PTCHD1: variants seen among roughly 807,000 people sequenced by gnomAD.
PTCHD1 encodes the protein patched domain-containing protein 1.
Under a neutral mutation model 34.6 loss-of-function variants are expected in PTCHD1, and 3 were observed. The observed-to-expected ratio is 0.09, with a 90% CI of 0.04 to 0.22. PTCHD1 has a LOEUF of 0.22. Among genes scored for constraint, PTCHD1 ranks in the 10% least tolerant of loss-of-function variants. PTCHD1 has a pLI of 1.00. For synonymous variants in PTCHD1, 305 were observed against 283.1 expected, an observed-to-expected ratio of 1.08 and a Z score of -0.77; for missense variants, 504 against 685.5, an observed-to-expected ratio of 0.74 and a Z score of 2.96.
chrX:23,374,001 C>A (rs1203766574), intron 1 of PTCHD1, among the ~76,000 whole-genome samples: 1 of 110,381 alleles, frequency 9.1e-6, no homozygotes, highest in African/African-American at 3.3e-5. Context: ...TTAATGTATG[C>A]AGCTTATTTG....
intron 2 of PTCHD1, among the ~76,000 whole-genome samples, chrX:23,390,754 C>T (rs1287176797): frequency 8.9e-6 from 1 of 111,875 alleles, no homozygotes; most frequent in Non-Finnish European, 1.9e-5. Flanking sequence ...GAGGCCAGGA[C>T]TTCACAATAA....
At chrX:23,387,869 GAGAATGCTTT>G (rs1263111580) in intron 2 of PTCHD1, among the ~76,000 whole-genome samples, 1 of 112,220 alleles carries the variant, frequency 8.9e-6, no homozygotes, top group African/African-American at 3.2e-5. Context: ...TAAAGGACAA[GAGAATGCTTT>G]AGAAGCATTT....
chrX:23,341,346 C>T (rs1467629141), intron 1 of PTCHD1, among the ~76,000 whole-genome samples: 14 of 112,233 alleles, frequency 1.2e-4, no homozygotes. Flanking sequence ...CTTAAAAATA[C>T]GAGAAGGAGA....
intron 1 of PTCHD1, among the ~76,000 whole-genome samples, chrX:23,368,197 C>T (rs1407643625): frequency 4.5e-5 from 5 of 110,788 alleles, no homozygotes; most frequent in African/African-American, 9.9e-5. Context: ...ATTCAAACTA[C>T]CCTATGATTA....
intron 1 of PTCHD1, among the ~76,000 whole-genome samples, chrX:23,340,307 A>G (rs1271469928): frequency 8.9e-6 from 1 of 111,780 alleles, no homozygotes; most frequent in East Asian, 2.8e-4. Flanking sequence ...TTCCAGTGTA[A>G]TCGTCCCCAA....
intron 1 of PTCHD1, among the ~76,000 whole-genome samples, chrX:23,346,145 A>G (rs1921471296): frequency 1.8e-5 from 2 of 112,354 alleles, no homozygotes; most frequent in African/African-American, 6.5e-5. Context: ...AACTTCCTTT[A>G]AAGCAAATCA....
chrX:23,358,389 T>G (rs1921870855), intron 1 of PTCHD1, among the ~76,000 whole-genome samples: 1 of 112,451 alleles, frequency 8.9e-6, no homozygotes, highest in African/African-American at 3.2e-5. Flanking sequence ...TGGTTTTGAT[T>G]TGCATTTGTC....
chrX:23,366,921 TACACACACACACAC>T (rs61606231), intron 1 of PTCHD1, among the ~76,000 whole-genome samples: 2 of 99,351 alleles, frequency 2.0e-5, no homozygotes, highest in African/African-American at 3.7e-5. Context: ...ATGCTCCTGG[TACACACACACACAC>T]ACACACACAC....
At chrX:23,373,409 T>C (rs1057068637) in intron 1 of PTCHD1, among the ~76,000 whole-genome samples, 5 of 112,987 alleles carry the variant, frequency 4.4e-5, no homozygotes, top group African/African-American at 1.6e-4. Flanking sequence ...CAGGCACACA[T>C]GTGCAGAGGA....
At position 23,398,219 on chromosome X, in the gene PTCHD1, T is replaced by C. The variant is rs902476435; in HGVS notation, c.*4034T>C. On this transcript the variant is annotated 3_prime_UTR_variant, in exon 3 of 3. Coordinates refer to ENST00000379361, the MANE Select transcript of PTCHD1 (RefSeq NM_173495.3). Reference sequence around the variant, plus strand: ...GAAAAGAGACTCAAGACATTATTTGTAATTCAGCAATCTCGCACAGTAGCA... The same window carrying C: ...GAAAAGAGACTCAAGACATTATTTGCAATTCAGCAATCTCGCACAGTAGCA... 5.4e-5 allele frequency: 6 copies of C among 111,855 alleles called. No homozygotes were observed. Among genetic ancestry groups the C allele is most frequent in the African/African-American group, 1.9e-4 (6 of 30,783 alleles). The allele number at this position is 111,855 out of a possible 1,213,427, so 9.2% of individuals were successfully genotyped here. A position where few individuals can be genotyped will look rare whatever the true frequency, so the allele number is the denominator to read the frequency against.
chrX:23,373,263 G>T (rs1202750273), intron 1 of PTCHD1, among the ~76,000 whole-genome samples: 1 of 112,448 alleles, frequency 8.9e-6, no homozygotes, highest in Non-Finnish European at 1.9e-5. Flanking sequence ...GTCAGTACCC[G>T]CAATAAGAGT....
intron 1 of PTCHD1, among the ~76,000 whole-genome samples, chrX:23,372,027 G>A (rs1487416044): frequency 1.8e-5 from 2 of 111,092 alleles, no homozygotes; most frequent in African/African-American, 6.6e-5. Context: ...AAATGTAGAG[G>A]TGGACCAAAC....
At chrX:23,392,329 C>T (rs924585111) in intron 2 of PTCHD1, among the ~76,000 whole-genome samples, 4 of 110,531 alleles carry the variant, frequency 3.6e-5, no homozygotes, top group African/African-American at 1.3e-4. Context: ...TCTAGCTGCC[C>T]TTTCGTTATC....
At chrX:23,384,122 T>G (rs1354292980) in intron 2 of PTCHD1, among the ~76,000 whole-genome samples, 1 of 112,370 alleles carries the variant, frequency 8.9e-6, no homozygotes, top group Non-Finnish European at 1.9e-5. Flanking sequence ...GAAAGTTTTC[T>G]CCCTTCTGCA....
At chrX:23,371,213 C>T (rs1322814385) in intron 1 of PTCHD1, among the ~76,000 whole-genome samples, 1 of 112,129 alleles carries the variant, frequency 8.9e-6, no homozygotes, top group African/African-American at 3.2e-5. Context: ...GATAACAAAA[C>T]TGAATTAAAA....
intron 2 of PTCHD1, 42 bp from the exon 3 acceptor site, chrX:23,392,489 A>T: frequency 1.1e-6 from 1 of 877,182 alleles, no homozygotes; most frequent in Non-Finnish European, 1.7e-6. Context: ...TTAAGAGATT[A>T]GTTCTTTAAA....
chrX:23,381,581 C>T (rs1413627280), intron 2 of PTCHD1, among the ~76,000 whole-genome samples: 1 of 111,786 alleles, frequency 8.9e-6, no homozygotes, highest in Non-Finnish European at 1.9e-5. Flanking sequence ...ACACGATAAG[C>T]GGGGCTGGTG....
intron 1 of PTCHD1, among the ~76,000 whole-genome samples, chrX:23,375,754 A>G (rs1477789095): frequency 8.9e-6 from 1 of 112,003 alleles, no homozygotes; most frequent in Non-Finnish European, 1.9e-5. Context: ...TGCAACAGCT[A>G]TAAAATGAGG....
chrX:23,342,310 A>ATATATATATACATAT (rs1921357058), intron 1 of PTCHD1, among the ~76,000 whole-genome samples: 1 of 12,947 alleles, frequency 7.7e-5, no homozygotes, highest in Non-Finnish European at 1.1e-4. Flanking sequence ...ATATATATAT[A>ATATATATATACATAT]TTTTTTTTTT....
Sources: gnomAD v4.1 joint callset for allele counts (sites outside exome capture counted in the v4.1 genomes callset) on GRCh38, gnomAD v4.1.1 for gene constraint, MANE v1.5 for transcripts, NCBI Gene and HGNC (gene_info 2026-07-23, HGNC 2026-07-21) for gene names.